The following KANSL3 variants were observed in gnomAD, a reference collection of about 807,000 sequenced individuals.
KANSL3 encodes the protein KAT8 regulatory NSL complex subunit 3.
KANSL3 carries 16 observed loss-of-function variants against 89.2 expected under a neutral mutation model. That is an observed-to-expected ratio of 0.18 (90% CI 0.12 to 0.27). The LOEUF (loss-of-function observed/expected upper bound fraction) is 0.27, where lower values mean the gene tolerates loss of function less well. Ranked by LOEUF, KANSL3 falls within the 10% of genes least tolerant of loss-of-function variation. The probability of loss-of-function intolerance (pLI) is 1.00; values close to 1 mark genes in which losing one functional copy is unlikely to be tolerated. For synonymous variants in KANSL3, 385 were observed against 419.7 expected, an observed-to-expected ratio of 0.92 and a Z score of 1.01; for missense variants, 879 against 1,110.6, an observed-to-expected ratio of 0.79 and a Z score of 2.96.
rs538940128 is a variant in KANSL3, at chr2:96,601,503, A to G, written c.2616+140T>C. On this transcript the variant is annotated intron_variant, in intron 20 of 20. Transcript: ENST00000431828. Reference sequence around the variant, plus strand: ...GATTCGCTCAATATTATAAAGCCACAAACTCCAGAATACAGATTTGAATTT... The same window carrying G: ...GATTCGCTCAATATTATAAAGCCACGAACTCCAGAATACAGATTTGAATTT... 12 of 1,405,130 alleles carry G rather than the reference A, an allele frequency of 8.5e-6. No individual in the cohort carries two copies. In the South Asian group the frequency reaches 2.0e-4, roughly 23 times the overall value. 87.0% of individuals were successfully genotyped at this position (1,405,130 alleles called of 1,614,324 possible). A position where few individuals can be genotyped will look rare whatever the true frequency, so the allele number is the denominator to read the frequency against.
chr2:96,610,611 G>T (rs1379097527), intron 11 of KANSL3, 115 bp downstream of exon 11: 2 of 1,244,020 alleles, frequency 1.6e-6, no homozygotes, highest in Non-Finnish European at 2.3e-6. Context: ...CACCGCGCCC[G>T]GCTAATGCTG....
intron 20 of KANSL3, chr2:96,599,722 A>G: frequency 1.6e-6 from 1 of 608,292 alleles, no homozygotes; most frequent in Non-Finnish European, 2.1e-6. Context: ...CAAAGCCACT[A>G]TAATTCAAAG....
At chr2:96,616,782 C>T (rs1445944166) in intron 5 of KANSL3, among the ~76,000 whole-genome samples, 3 of 152,178 alleles carry the variant, frequency 2.0e-5, no homozygotes, top group Admixed American at 1.3e-4. Flanking sequence ...CACACCGTGG[C>T]CCAGCAGCAT....
At chr2:96,618,932 T>C (rs774490903) in intron 5 of KANSL3, among the ~76,000 whole-genome samples, 3 of 152,268 alleles carry the variant, frequency 2.0e-5, no homozygotes, top group African/African-American at 4.8e-5. Flanking sequence ...TAAAGGCTCA[T>C]GCCCTGGGGA....
At chr2:96,636,822 T>C (rs2074315870) in intron 2 of KANSL3, 99 bp downstream of exon 2, 2 of 1,041,712 alleles carry the variant, frequency 1.9e-6, no homozygotes, top group African/African-American at 1.6e-5. Context: ...AAATGCCTCA[T>C]ACAATCTCCC....
At chr2:96,616,369 A>G (rs2070115334) in intron 5 of KANSL3, among the ~76,000 whole-genome samples, 1 of 152,236 alleles carries the variant, frequency 6.6e-6, no homozygotes, top group Non-Finnish European at 1.5e-5. Context: ...TAAAAAATCA[A>G]TACTGACTTT....
chr2:96,620,881 A>G (rs1273865910), intron 3 of KANSL3, among the ~76,000 whole-genome samples: 1 of 152,174 alleles, frequency 6.6e-6, no homozygotes, highest in African/African-American at 2.4e-5. Flanking sequence ...GCGTGCCTGT[A>G]GCCCCAGCTA....
chr2:96,622,461 A>T (rs1302427605), intron 3 of KANSL3, among the ~76,000 whole-genome samples: 1 of 152,070 alleles, frequency 6.6e-6, no homozygotes, highest in Non-Finnish European at 1.5e-5. Flanking sequence ...ATTATTTTTC[A>T]CCTATCAAAT....
chr2:96,616,068 C>T (rs1462821230), intron 5 of KANSL3, among the ~76,000 whole-genome samples: 1 of 152,188 alleles, frequency 6.6e-6, no homozygotes, highest in African/African-American at 2.4e-5. Context: ...TCAGAGACAC[C>T]AGCAAGAGGC....
chr2:96,601,265 C>A, intron 20 of KANSL3: 8 of 966,978 alleles, frequency 8.3e-6, no homozygotes, highest in African/African-American at 1.8e-5. Context: ...AAGACTCCAT[C>A]TCAAAAAATA....
Position 96,631,186 on chromosome 2 carries a change from G to T in KANSL3, c.386+126C>A. ...CATGGTGAACTGAGAGTTATAATGT[G>T]AGACTTTGGAGAACACTCTGACTTG... On this transcript the variant is annotated intron_variant, in intron 3 of 20. Coordinates refer to ENST00000431828, the MANE Select transcript of KANSL3 (RefSeq NM_001115016.3). 4.3e-6 allele frequency: 3 copies of T among 704,336 alleles called. No homozygotes were observed. In the South Asian group the frequency reaches 5.4e-5, roughly 13 times the overall value. The allele number at this position is 704,336 out of a possible 1,614,324, so 43.6% of individuals were successfully genotyped here. A position where few individuals can be genotyped will look rare whatever the true frequency, so the allele number is the denominator to read the frequency against.
intron 2 of KANSL3, among the ~76,000 whole-genome samples, chr2:96,631,764 G>A (rs541998571): frequency 1.4e-4 from 22 of 151,800 alleles, no homozygotes; most frequent in African/African-American, 4.8e-4. Context: ...AGATAAATAT[G>A]GGCCAGGTGC....
At position 96,604,814 on chromosome 2, in the gene KANSL3, C is replaced by T. The variant is rs562363321; in HGVS notation, c.1983G>A (p.Gly661=). ...ITMTLGQASA[G]AKELTGLLTT... is the part of the protein sequence containing the mutation. ...TGAGAAGTCCTGTGAGCTCCTTGGC[C>T]CCTGCTGAAGCCTGCCCCAGTGTCA... The change falls in exon 16 of 21, where the codon GGG becomes GGA. Residue 661 remains glycine, a synonymous_variant. Transcript: ENST00000431828. 1.6e-5 allele frequency: 25 copies of T among 1,600,504 alleles called. No homozygotes were observed. In the East Asian group the frequency reaches 5.4e-4, roughly 35 times the overall value.
intron 5 of KANSL3, among the ~76,000 whole-genome samples, chr2:96,617,233 CT>C (rs1336870715): frequency 6.6e-6 from 1 of 152,124 alleles, no homozygotes; most frequent in East Asian, 1.9e-4. Context: ...TCTTTCTTCA[CT>C]AGAAAATACA....
At chr2:96,606,324 CT>C in intron 14 of KANSL3, 1 of 152,692 alleles carries the variant, frequency 6.5e-6, no homozygotes, top group Non-Finnish European at 1.5e-5. Flanking sequence ...TACAGCCAAG[CT>C]TTTTGGACTC....
In KANSL3 at chr2:96,612,267, A is replaced by T; in HGVS notation, c.1086+15T>A. On this transcript the variant is annotated intron_variant, in intron 9 of 20. Transcript: ENST00000431828. ...CATCCCAGGACAACCTCCAAATAAGATAGAAATTACTTACATGACAGGCCA... is the reference window on the plus strand; with the variant it reads ...CATCCCAGGACAACCTCCAAATAAGTTAGAAATTACTTACATGACAGGCCA... 6.3e-7 allele frequency: 1 copy of T among 1,586,986 alleles called. No homozygotes were observed. The highest frequency in any genetic ancestry group is 1.1e-5 in the South Asian group (1 of 90,506).
At chr2:96,616,984 C>A (rs577609645) in intron 5 of KANSL3, among the ~76,000 whole-genome samples, 1 of 152,162 alleles carries the variant, frequency 6.6e-6, no homozygotes. Flanking sequence ...GAGACCCTGG[C>A]CACTACCAAC....
chr2:96,609,710 G>A (rs946607392), intron 11 of KANSL3, 148 bp from the exon 12 acceptor site: 8 of 729,674 alleles, frequency 1.1e-5, no homozygotes, highest in South Asian at 3.2e-5. Context: ...CAACCTCTCC[G>A]AACCTGTTTC....
the KANSL3 span, among the ~76,000 whole-genome samples, chr2:96,587,213 T>TA: frequency 6.6e-6 from 1 of 152,136 alleles, no homozygotes; most frequent in Non-Finnish European, 1.5e-5. Context: ...CTTGTGCCAT[T>TA]AGAGACCATG....
Sources: gnomAD v4.1 joint callset for allele counts (sites outside exome capture counted in the v4.1 genomes callset) on GRCh38, gnomAD v4.1.1 for gene constraint, MANE v1.5 for transcripts, NCBI Gene and HGNC (gene_info 2026-07-23, HGNC 2026-07-21) for gene names.